Variants in CPT1A observed in about 807,000 individuals in gnomAD.
The protein encoded by CPT1A is carnitine O-palmitoyltransferase 1, liver isoform.
CPT1A carries 64 observed loss-of-function variants against 100.8 expected under a neutral mutation model. The ratio of observed to expected loss-of-function variants is 0.63; its 90% CI spans 0.52 to 0.78. The LOEUF (loss-of-function observed/expected upper bound fraction) is 0.78. Among genes scored for constraint, CPT1A ranks in the 30% least tolerant of loss-of-function variants. The pLI is 0.00. For missense variants in CPT1A, 802 were observed against 1,034.1 expected (o/e 0.78, Z 3.08); for synonymous variants, 363 against 396.0 (o/e 0.92, Z 0.99).
chr11:68,785,117 C>A (rs555352091), intron 9 of CPT1A, 107 bp from the exon 10 acceptor site: 7 of 927,648 alleles, frequency 7.5e-6, no homozygotes, highest in Non-Finnish European at 8.6e-6. Context: ...CCCTGCTCTG[C>A]GTCTCTCCAG....
In CPT1A at chr11:68,787,739, C is replaced by T. The variant is rs554587993; in HGVS notation, c.968-2729G>A. Reference sequence around the variant, plus strand: ...GGCAGATCGCCTGAGGTCAGGAGTTCGAGGCCAGCCTGGCCTACATGGTGA... The same window carrying T: ...GGCAGATCGCCTGAGGTCAGGAGTTTGAGGCCAGCCTGGCCTACATGGTGA... On this transcript the variant is annotated intron_variant, in intron 9 of 18. Transcript: ENST00000265641. Among the ~76,000 whole-genome samples, 5 of 151,656 alleles carry T rather than the reference C, an allele frequency of 3.3e-5. No individual in the cohort carries two copies. The East Asian group carries it at 5.8e-4, about 18-fold the overall frequency.
At chr11:68,786,618 C>T (rs1238595561) in intron 9 of CPT1A, among the ~76,000 whole-genome samples, 2 of 152,316 alleles carry the variant, frequency 1.3e-5, no homozygotes, top group East Asian at 1.9e-4. Context: ...GCAACCTCCG[C>T]CTCCCGGGTT....
At chr11:68,763,829 C>T (rs969931280) in intron 14 of CPT1A, among the ~76,000 whole-genome samples, 2 of 152,156 alleles carry the variant, frequency 1.3e-5, no homozygotes, top group Non-Finnish European at 2.9e-5. Context: ...TCCAGCTAGG[C>T]TGGTGCCTTG....
intron 1 of CPT1A, among the ~76,000 whole-genome samples, chr11:68,825,375 C>A (rs1325259403): frequency 6.6e-6 from 1 of 152,132 alleles, no homozygotes; most frequent in Non-Finnish European, 1.5e-5. Context: ...GGAAGGGAAG[C>A]ACACACTTCT....
intron 11 of CPT1A, among the ~76,000 whole-genome samples, chr11:68,781,280 T>C (rs747776784): frequency 2.0e-5 from 3 of 152,100 alleles, no homozygotes; most frequent in Non-Finnish European, 4.4e-5. Context: ...AATCTCAGAT[T>C]TGCAGCTCAG....
At chr11:68,796,735 G>T in intron 7 of CPT1A, 121 bp downstream of exon 7, 1 of 919,984 alleles carries the variant, frequency 1.1e-6, no homozygotes, top group Non-Finnish European at 1.7e-6. Flanking sequence ...ACAGAGAGGA[G>T]CATGAGCCAA....
rs191344736 is a variant in CPT1A, at chr11:68,764,595, C to T, written c.1741-1834G>A. ...GGAGAGTCAGACAGAGCACAGGACC[C>T]GCTCAGCCGGGGAAGGCCTGGCACC... On this transcript the variant is annotated intron_variant, in intron 14 of 18. Transcript: ENST00000265641. Among the ~76,000 whole-genome samples the T allele has an allele frequency of 9.3e-3, 1,418 of 152,188 alleles. 20 individuals are homozygous for T. The highest frequency in any genetic ancestry group is 0.032 in the African/African-American group (1,332 of 41,516).
chr11:68,821,055 T>G (rs1382622882), intron 1 of CPT1A, among the ~76,000 whole-genome samples: 1 of 152,228 alleles, frequency 6.6e-6, no homozygotes, highest in Non-Finnish European at 1.5e-5. Context: ...AGTTCAGTGG[T>G]GCAATCTCGG....
At chr11:68,841,961 C>A (rs1361163403), upstream of CPT1A, 1 of 985,080 alleles carries the variant, frequency 1.0e-6, no homozygotes, top group Admixed American at 6.2e-5. This position sits in a 1 kb window ranked among gnomAD's most constrained non-coding sequence, Gnocchi z 6.3. Flanking sequence ...GGGTGACTCC[C>A]GGCGCGCGGA....
intron 14 of CPT1A, among the ~76,000 whole-genome samples, chr11:68,770,197 G>C (rs1854948448): frequency 6.6e-6 from 1 of 152,086 alleles, no homozygotes; most frequent in Non-Finnish European, 1.5e-5. Flanking sequence ...CTTCTTCCCA[G>C]AGTCCAGTCT....
At chr11:68,839,265 C>A (rs913830967) in intron 1 of CPT1A, among the ~76,000 whole-genome samples, 10 of 152,256 alleles carry the variant, frequency 6.6e-5, no homozygotes, top group African/African-American at 2.4e-4. Context: ...CGCCCCTGCG[C>A]CTTTAGATTT....
chr11:68,829,202 G>A (rs970426943), intron 1 of CPT1A, among the ~76,000 whole-genome samples: 1 of 152,142 alleles, frequency 6.6e-6, no homozygotes, highest in Admixed American at 6.5e-5. Context: ...TCCCCGGGCC[G>A]CGTGTCCCAC....
intron 1 of CPT1A, among the ~76,000 whole-genome samples, chr11:68,818,418 C>T (rs1856490480): frequency 6.6e-6 from 1 of 152,172 alleles, no homozygotes; most frequent in South Asian, 2.1e-4. Context: ...ATCGCCAGAG[C>T]AAGGGAGGAG....
At chr11:68,773,760 G>A (rs982890910) in intron 13 of CPT1A, 20 of 334,420 alleles carry the variant, frequency 6.0e-5, no homozygotes, top group South Asian at 4.4e-4. Context: ...GGTCACAGCC[G>A]GTGCCAGGGA....
In CPT1A at chr11:68,754,902, A is replaced by G. The variant is rs1336509374; in HGVS notation, c.*2742T>C. On this transcript the variant is annotated 3_prime_UTR_variant, in exon 19 of 19. Coordinates refer to ENST00000265641, the MANE Select transcript of CPT1A (RefSeq NM_001876.4). ...CAAATCTTGTAGTAGACTGGGGTTAATGTTTTATTAATGATAACCTACATT... is the reference window on the plus strand; with the variant it reads ...CAAATCTTGTAGTAGACTGGGGTTAGTGTTTTATTAATGATAACCTACATT... 3 of 776,486 alleles carry G rather than the reference A, an allele frequency of 3.9e-6. No individual in the cohort carries two copies. Among genetic ancestry groups the G allele is most frequent in the Non-Finnish European group, 7.2e-6 (3 of 415,000 alleles). The allele number at this position is 776,486 out of a possible 1,614,324, so 48.1% of individuals were successfully genotyped here.
chr11:68,784,744 G>T, intron 10 of CPT1A, 71 bp downstream of exon 10: 1 of 1,452,138 alleles, frequency 6.9e-7, no homozygotes, highest in Non-Finnish European at 9.5e-7. Context: ...GGCCCTGGTG[G>T]GGATGGGCCC....
upstream of CPT1A, among the ~76,000 whole-genome samples, chr11:68,842,793 C>T (rs116374445): frequency 0.01 from 1,578 of 151,896 alleles, 30 homozygotes; most frequent in African/African-American, 0.036. Context: ...TGCAGGGGAC[C>T]CAGGGGGTTG....
At chr11:68,790,292 A>G (rs576816409) in intron 9 of CPT1A, among the ~76,000 whole-genome samples, 10 of 152,164 alleles carry the variant, frequency 6.6e-5, no homozygotes, top group Admixed American at 6.5e-4. Context: ...GCTGCTCTCA[A>G]ACTCCTGGGC....
chr11:68,757,725 A>G lies in CPT1A; in HGVS notation c.2241T>C (p.Ser747=). 1 of 1,613,902 alleles carries G rather than the reference A, an allele frequency of 6.2e-7. No individual in the cohort carries two copies. Among genetic ancestry groups the G allele is most frequent in the Non-Finnish European group, 8.5e-7 (1 of 1,179,882 alleles). ...SSKFSCPETD[S]HRFGRHLKEA... The stretch of plus-strand genomic sequence containing the variant: ...CTTTCAGGTGCCTTCCAAAGCGATG[A>G]GAATCCTTTCATGTAAAAACAAAAA... Residue 747 remains serine (S), a synonymous_variant, in exon 19 of 19, where the codon TCT becomes TCC. Transcript: ENST00000265641.
Sources: allele counts gnomAD v4.1 joint callset (sites outside exome capture counted in the v4.1 genomes callset), GRCh38; gene constraint gnomAD v4.1.1; non-coding constraint Gnocchi (gnomAD v3.1); transcripts MANE v1.5; gene names NCBI Gene and HGNC (gene_info 2026-07-23, HGNC 2026-07-21).